Variants in VASH2 observed in about 807,000 individuals in gnomAD.
The protein encoded by VASH2 is tubulinyl-Tyr carboxypeptidase 2.
In VASH2, 28 loss-of-function variants were observed where a neutral mutation model predicts 37.2. That is an observed-to-expected ratio of 0.75 (90% CI 0.56 to 1.03). The LOEUF is 1.03. Ranked by LOEUF, VASH2 falls within the 50% of genes least tolerant of loss-of-function variation. VASH2 has a pLI of 0.00. For synonymous variants in VASH2, 188 were observed against 174.7 expected (o/e 1.08, Z -0.60); for missense variants, 419 against 459.1 (o/e 0.91, Z 0.80).
Position 212,971,706 on chromosome 1 carries a change from C to T in VASH2, c.498-874C>T, listed in dbSNP as rs926435264. On this transcript the variant is annotated intron_variant, in intron 5 of 7. Transcript: ENST00000517399. This position sits in a 1 kb window ranked among gnomAD's most constrained non-coding sequence, Gnocchi z 4.0. ...AGAGTGGAGGCATCCGTGATTAAAC[C>T]GAGAGCAGAGGACAAGGCTGCCGCC... 2.6e-5 allele frequency among the ~76,000 whole-genome samples: 4 copies of T among 152,082 alleles called. No homozygotes were observed. The highest frequency in any genetic ancestry group is 2.1e-4 in the South Asian group (1 of 4,816).
At chr1:212,972,451 A>T in intron 5 of VASH2, 129 bp from the exon 6 acceptor site, 1 of 1,088,894 alleles carries the variant, frequency 9.2e-7, no homozygotes, top group Non-Finnish European at 1.3e-6. Flanking sequence ...AGTCTGGAAA[A>T]GTTAGATGTG....
intron 7 of VASH2, among the ~76,000 whole-genome samples, chr1:212,977,715 A>G (rs1380492345): frequency 1.3e-5 from 2 of 152,108 alleles, no homozygotes; most frequent in Non-Finnish European, 2.9e-5. Flanking sequence ...CCTGTTCTCA[A>G]CTCTGAGTGT....
Position 212,965,788 on chromosome 1 carries a change from G to T in VASH2, c.422+10G>T. 1 of 1,550,804 alleles carries T rather than the reference G, an allele frequency of 6.4e-7. No individual in the cohort carries two copies. Among genetic ancestry groups the T allele is most frequent in the Non-Finnish European group, 8.7e-7 (1 of 1,145,738 alleles). On this transcript the variant is annotated intron_variant, in intron 4 of 7. Transcript: ENST00000517399. ...TGAGACCGCTGAGTGGGTAAGTGGT[G>T]CATGATCTATGGGCCAGATGACCTC...
chr1:212,957,717 TCTC>T (rs2102622456), intron 2 of VASH2, among the ~76,000 whole-genome samples: 1 of 151,758 alleles, frequency 6.6e-6, no homozygotes, highest in East Asian at 1.9e-4. Context: ...TTTAAGCAAT[TCTC>T]CTGCCTCAGC....
At chr1:212,960,491 G>A (rs1287472327) in intron 2 of VASH2, among the ~76,000 whole-genome samples, 3 of 152,180 alleles carry the variant, frequency 2.0e-5, no homozygotes, top group Non-Finnish European at 2.9e-5. Context: ...AGGGAGGGTG[G>A]TATTGAGATG....
chr1:212,970,074 T>G (rs55777929), intron 5 of VASH2, among the ~76,000 whole-genome samples: 2 of 152,142 alleles, frequency 1.3e-5, no homozygotes, highest in African/African-American at 4.8e-5. Context: ...TTGCTTGTGG[T>G]ACTAAAGCAC....
chr1:212,983,512 G>A lies in VASH2; in HGVS notation c.996-5000G>A, dbSNP rs117009169. Among the ~76,000 whole-genome samples the A allele has an allele frequency of 9.1e-3, 1,320 of 145,040 alleles. 47 individuals are homozygous for A. Among genetic ancestry groups the A allele is most frequent in the East Asian group, 0.073 (348 of 4,786 alleles). On this transcript the variant is annotated intron_variant, in intron 7 of 7. Transcript: ENST00000517399. Reference sequence around the variant, plus strand: ...ATACTAATCTATTCATGAGGGTGATGCCCCCGGATCCACACACCTCCCACT... The same window carrying A: ...ATACTAATCTATTCATGAGGGTGATACCCCCGGATCCACACACCTCCCACT...
At chr1:212,955,467 A>G (rs1666460816) in intron 2 of VASH2, among the ~76,000 whole-genome samples, 1 of 152,232 alleles carries the variant, frequency 6.6e-6, no homozygotes, top group Non-Finnish European at 1.5e-5. Flanking sequence ...AAAGACTTTA[A>G]GGAAACAGCA....
In VASH2 at chr1:212,961,222, C is replaced by T. The variant is rs773827801; in HGVS notation, c.333C>T (p.Leu111=). Residue 111 remains leucine (L), a synonymous_variant, in exon 3 of 8, where the codon CTC becomes CTT. Transcript: ENST00000517399. ...TGTCGATGACGATCCCAGACTGGCT[C>T]CAGGCGATCCAGAATTACATGAAGA... is the stretch of plus-strand genomic sequence containing the variant. ...YRLSMTIPDW[L]QAIQNYMKTL... The T allele has an allele frequency of 1.9e-6, 3 of 1,614,208 alleles. No homozygotes were observed. Among genetic ancestry groups the T allele is most frequent in the East Asian group, 2.2e-5 (1 of 44,882 alleles).
chr1:212,965,056 G>A (rs1362549479), intron 3 of VASH2, among the ~76,000 whole-genome samples: 2 of 152,102 alleles, frequency 1.3e-5, no homozygotes, highest in Admixed American at 1.3e-4. Context: ...GAGTAGCTGG[G>A]ATTACAGGCC....
intron 7 of VASH2, chr1:212,974,937 T>C (rs1445662111): frequency 6.6e-6 from 1 of 152,222 alleles, no homozygotes; most frequent in African/African-American, 2.4e-5. Flanking sequence ...TCTCCTTGCC[T>C]ATCTGACACG....
chr1:212,988,450 T>C (rs901331742), intron 7 of VASH2, 62 bp from the exon 8 acceptor site: 1 of 1,552,348 alleles, frequency 6.4e-7, no homozygotes, highest in African/African-American at 1.4e-5. Context: ...ACCTTGAAAA[T>C]GCTGTTGTCT....
intron 7 of VASH2, 51 bp downstream of exon 7, chr1:212,974,121 G>T: frequency 6.5e-7 from 1 of 1,548,374 alleles, no homozygotes; most frequent in African/African-American, 1.4e-5. Context: ...ACACATTCAA[G>T]GGGTTGTCCT....
chr1:212,972,769 C>T lies in VASH2; in HGVS notation c.687C>T (p.Ile229=). 1 of 1,614,202 alleles carries T rather than the reference C, an allele frequency of 6.2e-7. No individual in the cohort carries two copies. The part of the protein sequence containing the change: ...PLTFRTLSDL[I]FDFEDSYKKY... ...CTTTTCGGACTCTGAGTGACCTCATCTTTGACTTTGAGGACTCTTACAAGA... is the reference window on the plus strand; with the variant it reads ...CTTTTCGGACTCTGAGTGACCTCATTTTTGACTTTGAGGACTCTTACAAGA... Residue 229 remains isoleucine (I), a synonymous_variant, in exon 6 of 8, where the codon ATC becomes ATT. Coordinates refer to ENST00000517399, the MANE Select transcript of VASH2 (RefSeq NM_001301056.2).
In VASH2 at chr1:212,961,196, C is replaced by T. The variant is rs1242044470; in HGVS notation, c.307C>T (p.Leu103=). ...PSIPQVPNYR[L]SMTIPDWLQA... is the part of the protein sequence containing the mutation. ...AATACCCCAGGTCCCAAACTACAGG[C>T]TGTCGATGACGATCCCAGACTGGCT... Residue 103 remains leucine, a synonymous_variant, in exon 3 of 8, where the codon CTG becomes TTG. Coordinates refer to ENST00000517399, the MANE Select transcript of VASH2 (RefSeq NM_001301056.2). 3 of 1,614,096 alleles carry T rather than the reference C, an allele frequency of 1.9e-6. No individual in the cohort carries two copies. The highest frequency in any genetic ancestry group is 2.5e-6 in the Non-Finnish European group (3 of 1,180,034).
chr1:212,951,610 G>A lies in VASH2; in HGVS notation c.68G>A (p.Arg23Gln), dbSNP rs1253049156. The change falls in exon 2 of 8, where the codon CGG (arginine) becomes CAG (glutamine). Residue 23 changes from arginine to glutamine, a missense_variant. Arg to Gln is a conservative substitution (Grantham distance 43). This residue lies in a region of VASH2 where 158 missense variants were observed against 163.0 expected (regional missense o/e 0.97). Transcript: ENST00000517399. This position sits in a 1 kb window ranked among gnomAD's most constrained non-coding sequence, Gnocchi z 4.4. ...AAAGGCGCCAAAGGCACCCGGTCCC[G>A]GAGCAGCCACGCGCGGCCCGTGAGC... ...HPKGAKGTRS[R>Q]SSHARPVSLA... 3.9e-6 allele frequency: 6 copies of A among 1,558,420 alleles called. No individual in the cohort carries two copies. The African/African-American group carries it at 5.4e-5, about 14-fold the overall frequency.
chr1:212,986,073 T>TAATA (rs1667468109), intron 7 of VASH2, among the ~76,000 whole-genome samples: 1 of 152,268 alleles, frequency 6.6e-6, no homozygotes, highest in Non-Finnish European at 1.5e-5. Flanking sequence ...TATGAAAATC[T>TAATA]AATACAAATG....
chr1:212,959,835 C>T (rs905228646), intron 2 of VASH2, among the ~76,000 whole-genome samples: 4 of 152,236 alleles, frequency 2.6e-5, no homozygotes, highest in Admixed American at 2.0e-4. Context: ...ATCCCCAGGG[C>T]TGCCCTTGCC....
At chr1:212,956,633 A>G (rs541876344) in intron 2 of VASH2, among the ~76,000 whole-genome samples, 1 of 152,346 alleles carries the variant, frequency 6.6e-6, no homozygotes, top group Admixed American at 6.5e-5. Flanking sequence ...GGTTGCACCA[A>G]TTTATGTTTG....
Sources: allele counts gnomAD v4.1 joint callset (sites outside exome capture counted in the v4.1 genomes callset), GRCh38; gene constraint gnomAD v4.1.1; regional missense constraint gnomAD v4.1.1; non-coding constraint Gnocchi (gnomAD v3.1); transcripts MANE v1.5; gene names NCBI Gene and HGNC (gene_info 2026-07-23, HGNC 2026-07-21).